Variants in GNAS-AS1 observed in about 807,000 individuals in gnomAD.
GNAS-AS1 encodes GNAS antisense RNA 1 (non-protein coding).
exon 5 of GNAS-AS1, chr20:58,818,969 C>T (rs564251932): frequency 1.6e-4 from 63 of 398,440 alleles, no homozygotes; most frequent in South Asian, 3.8e-4. Context: ...ACACTAGATA[C>T]GCCCCATCTC....
chr20:58,847,680 C>T (rs1392324269), intron 2 of GNAS-AS1, among the ~76,000 whole-genome samples: 5 of 152,208 alleles, frequency 3.3e-5, no homozygotes, highest in South Asian at 2.1e-4. Context: ...CCTGCAAAGC[C>T]GCAGACCAAA....
rs375706981 is a variant in GNAS-AS1 at position 58,822,259 on chromosome 20, TATAAG to T, written n.820-3009_820-3005del. On this transcript the variant is annotated intron_variant and non_coding_transcript_variant, in intron 4 of 4. Transcript: ENST00000424094. ...AATTCTGATGATGACCCTTGTTTCT[TATAAG>T]ATAATAATAGCTCCACTTTACTGCA... Among the ~76,000 whole-genome samples the T allele has an allele frequency of 2.5e-4, 38 of 152,300 alleles. No homozygotes were observed. The East Asian group carries it at 7.1e-3, about 29-fold the overall frequency.
rs558492519 is a variant in GNAS-AS1, at chr20:58,820,887, G to T, written n.820-1632C>A. Among the ~76,000 whole-genome samples, 10 of 152,302 alleles carry T rather than the reference G, an allele frequency of 6.6e-5. No homozygotes were observed. The East Asian group carries it at 1.9e-3, about 29-fold the overall frequency. ...TCCTCCCATGACACGTGGGAATTGT[G>T]AGAGTTACAATTCAAGATGAGATCT... On this transcript the variant is annotated intron_variant and non_coding_transcript_variant, in intron 4 of 4. Transcript: ENST00000424094.
At chr20:58,819,994 G>A (rs189372127) in intron 4 of GNAS-AS1, among the ~76,000 whole-genome samples, 141 of 152,338 alleles carry the variant, frequency 9.3e-4, no homozygotes, top group Middle Eastern at 3.4e-3. Context: ...ATGCTCATCC[G>A]TACTGCCTCT....
At chr20:58,844,815 A>AAAC (rs543894474) in intron 2 of GNAS-AS1, among the ~76,000 whole-genome samples, 4 of 152,028 alleles carry the variant, frequency 2.6e-5, no homozygotes, top group South Asian at 2.1e-4. Context: ...AAACAAAACA[A>AAAC]AACAACAACA....
intron 4 of GNAS-AS1, among the ~76,000 whole-genome samples, chr20:58,821,942 C>T (rs989339654): frequency 6.6e-6 from 1 of 152,226 alleles, no homozygotes; most frequent in African/African-American, 2.4e-5. Context: ...AAAGCAAGGC[C>T]CAGGTTTCAT....
rs202131370 is a variant in GNAS-AS1, at chr20:58,840,113, C to G, written n.819+1824G>C. 122 of 1,610,852 alleles carry G rather than the reference C, an allele frequency of 7.6e-5. No homozygotes were observed. Among genetic ancestry groups the G allele is most frequent in the Non-Finnish European group, 1.1e-5 (13 of 1,179,954 alleles). ...TCGGTGTGTGCCTAAGAGGATGGAT[C>G]GGAGGTCCCGGGCTCAGCAGTGGCG... On this transcript the variant is annotated intron_variant and non_coding_transcript_variant, in intron 4 of 4. Coordinates refer to ENST00000424094, the Ensembl canonical transcript of GNAS-AS1. The surrounding 1 kb of genome is among the most constrained non-coding windows in gnomAD (Gnocchi z 6.0).
At chr20:58,823,793 G>A (rs1429274978) in intron 4 of GNAS-AS1, among the ~76,000 whole-genome samples, 1 of 152,186 alleles carries the variant, frequency 6.6e-6, no homozygotes, top group African/African-American at 2.4e-5. Context: ...TCGTGAAAGG[G>A]GGCTCAAAAG....
exon 4 of GNAS-AS1, chr20:58,842,029 C>T: frequency 1.4e-6 from 1 of 698,846 alleles, no homozygotes; most frequent in Non-Finnish European, 2.0e-6. Flanking sequence ...GAAAAGGAGG[C>T]AGGGGCCGGC....
intron 4 of GNAS-AS1, chr20:58,833,973 T>C (rs1424609435): frequency 1.3e-5 from 2 of 152,240 alleles, no homozygotes; most frequent in African/African-American, 4.8e-5. Flanking sequence ...CCCAATCTAC[T>C]GGAGCCTCAG....
chr20:58,822,651 A>G (rs1298489802), intron 4 of GNAS-AS1, among the ~76,000 whole-genome samples: 1 of 152,092 alleles, frequency 6.6e-6, no homozygotes, highest in Non-Finnish European at 1.5e-5. Context: ...GTCACCCATT[A>G]ATTTGTACTA....
chr20:58,842,532 T>C (rs6026553), exon 3 of GNAS-AS1: 16,250 of 398,594 alleles, frequency 0.041, 726 homozygotes, highest in African/African-American at 0.15. Context: ...GGTTGGATGC[T>C]TTTGTGGTCT....
chr20:58,827,838 C>G (rs2085530897), intron 4 of GNAS-AS1, among the ~76,000 whole-genome samples: 1 of 152,228 alleles, frequency 6.6e-6, no homozygotes, highest in Non-Finnish European at 1.5e-5. Context: ...TGTATGAAAA[C>G]TGTGGCTGGT....
intron 4 of GNAS-AS1, among the ~76,000 whole-genome samples, chr20:58,832,729 C>G (rs1028722004): frequency 2.0e-5 from 3 of 152,224 alleles, no homozygotes; most frequent in African/African-American, 7.2e-5. Context: ...TCTCTTATCT[C>G]AGTTGTGGAC....
rs867891910 is a variant in GNAS-AS1 at position 58,841,589 on chromosome 20, C to A, written n.819+348G>T. The A allele has an allele frequency of 2.0e-6, 2 of 1,016,552 alleles. No homozygotes were observed. The highest frequency in any genetic ancestry group is 1.7e-5 in the African/African-American group (1 of 58,630). 63.0% of individuals were successfully genotyped at this position (1,016,552 alleles called of 1,614,324 possible). A position where few individuals can be genotyped will look rare whatever the true frequency, so the allele number is the denominator to read the frequency against. Reference sequence around the variant, plus strand: ...CTCCCGTCGCTCGCGGGACAGAGACCGCCTCAAAGAGCGTGCGCACCTGCC... The same window carrying A: ...CTCCCGTCGCTCGCGGGACAGAGACAGCCTCAAAGAGCGTGCGCACCTGCC... On this transcript the variant is annotated intron_variant and non_coding_transcript_variant, in intron 4 of 4. Transcript: ENST00000424094. The surrounding 1 kb of genome is among the most constrained non-coding windows in gnomAD (Gnocchi z 5.0).
chr20:58,826,186 CTAA>C (rs1218977708), intron 4 of GNAS-AS1: 7 of 398,238 alleles, frequency 1.8e-5, no homozygotes, highest in Non-Finnish European at 2.7e-5. Flanking sequence ...TTTAAAAGTG[CTAA>C]TAATAATAAC....
In GNAS-AS1 at chr20:58,841,680, A is replaced by C; in HGVS notation, n.819+257T>G. On this transcript the variant is annotated intron_variant and non_coding_transcript_variant, in intron 4 of 4. Coordinates refer to ENST00000424094, the Ensembl canonical transcript of GNAS-AS1. This position sits in a 1 kb window ranked among gnomAD's most constrained non-coding sequence, Gnocchi z 5.0. ...AGGGGAAAGTACCTGGGGGAAAGGT[A>C]GAGGAGGTAAGGGGACCCTTGGGGA... 1.4e-5 allele frequency: 16 copies of C among 1,162,232 alleles called. No homozygotes were observed. The highest frequency in any genetic ancestry group is 3.9e-5 in the East Asian group (1 of 25,604). 72.0% of individuals were successfully genotyped at this position (1,162,232 alleles called of 1,614,324 possible). A position where few individuals can be genotyped will look rare whatever the true frequency, so the allele number is the denominator to read the frequency against.
intron 4 of GNAS-AS1, among the ~76,000 whole-genome samples, chr20:58,830,517 C>T (rs1306222283): frequency 6.0e-5 from 5 of 83,284 alleles, no homozygotes; most frequent in Non-Finnish European, 7.6e-5. Context: ...CCATCATCAC[C>T]ACCACACCAC....
chr20:58,825,057 A>G (rs1344026257), intron 4 of GNAS-AS1, among the ~76,000 whole-genome samples: 1 of 152,242 alleles, frequency 6.6e-6, no homozygotes, highest in Non-Finnish European at 1.5e-5. Flanking sequence ...GTCCGCAAAC[A>G]TAAACACGTG....
Sources: gnomAD v4.1 joint callset for allele counts (sites outside exome capture counted in the v4.1 genomes callset) on GRCh38, gnomAD v4.1.1 for gene constraint, Gnocchi (gnomAD v3.1) non-coding constraint, MANE v1.5 for transcripts, NCBI Gene and HGNC (gene_info 2026-07-23, HGNC 2026-07-21) for gene names.